Variants in KHDRBS3 observed in about 807,000 individuals in gnomAD.
KHDRBS3 encodes KH domain-containing, RNA-binding, signal transduction-associated protein 3.
Under a neutral mutation model 45.6 loss-of-function variants are expected in KHDRBS3, and 23 were observed. The ratio of observed to expected loss-of-function variants is 0.50; its 90% CI spans 0.36 to 0.72. KHDRBS3 has a LOEUF of 0.72. Ranked by LOEUF, KHDRBS3 falls within the 30% of genes least tolerant of loss-of-function variation. The pLI is 0.00. For missense variants in KHDRBS3, 352 were observed against 424.8 expected (o/e 0.83, Z 1.51); for synonymous variants, 162 against 156.5 (o/e 1.04, Z -0.26).
Position 135,542,664 on chromosome 8 carries a change from T to C in KHDRBS3, c.218T>C (p.Val73Ala). 1 of 1,611,872 alleles carries C rather than the reference T, an allele frequency of 6.2e-7. No individual in the cohort carries two copies. Among genetic ancestry groups the C allele is most frequent in the Admixed American group, 1.7e-5 (1 of 59,868 alleles). ...PVKQFPKFNF[V>A]GKLLGPRGNS... ...GTTTATTTTTCCTAGTTCAACTTTG[T>C]GGGGAAACTTTTGGGTCCACGTGGC... The change falls in exon 3 of 9, where the codon GTG becomes GCG. Residue 73 changes from valine to alanine, a missense_variant. Transcript: ENST00000355849.
At chr8:135,593,328 G>A (rs1361820360) in intron 6 of KHDRBS3, 4 of 152,106 alleles carry the variant, frequency 2.6e-5, no homozygotes, top group Admixed American at 6.5e-5. Flanking sequence ...TTTATTTTAG[G>A]TGGTCAATCT....
rs531372569 is a variant in KHDRBS3 at position 135,554,072 on chromosome 8, A to G, written c.472-3376A>G. 6.6e-5 allele frequency among the ~76,000 whole-genome samples: 10 copies of G among 152,300 alleles called. No individual in the cohort carries two copies. The South Asian group carries it at 2.1e-3, about 32-fold the overall frequency. ...CTAGAATTTTAAAAAATTGTCTACA[A>G]TCACATAGCTGTTAAGTTCAGGTGG... On this transcript the variant is annotated intron_variant, in intron 4 of 8. Coordinates refer to ENST00000355849, the MANE Select transcript of KHDRBS3 (RefSeq NM_006558.3).
chr8:135,568,414 G>T (rs1274742644), intron 5 of KHDRBS3, among the ~76,000 whole-genome samples: 1 of 151,878 alleles, frequency 6.6e-6, no homozygotes, highest in Non-Finnish European at 1.5e-5. Flanking sequence ...TCCACTAAAT[G>T]AGTGAAAAAA....
At chr8:135,503,724 G>A (rs547795647) in intron 1 of KHDRBS3, among the ~76,000 whole-genome samples, 1 of 152,136 alleles carries the variant, frequency 6.6e-6, no homozygotes, top group East Asian at 1.9e-4. Flanking sequence ...GTAGAGTTCT[G>A]GAACCTCCAA....
intron 5 of KHDRBS3, among the ~76,000 whole-genome samples, chr8:135,581,385 C>A (rs1828198926): frequency 6.6e-6 from 1 of 152,190 alleles, no homozygotes; most frequent in South Asian, 2.1e-4. Context: ...GTGGTTGACA[C>A]ATTATTCAGG....
intron 1 of KHDRBS3, among the ~76,000 whole-genome samples, chr8:135,482,259 AGTT>A (rs896062711): frequency 1.3e-5 from 2 of 152,214 alleles, no homozygotes; most frequent in African/African-American, 2.4e-5. Flanking sequence ...TAGTGGCTAA[AGTT>A]GTCCATAGGC....
chr8:135,459,753 T>C (rs1249096745), intron 1 of KHDRBS3, among the ~76,000 whole-genome samples: 2 of 152,236 alleles, frequency 1.3e-5, no homozygotes, highest in Non-Finnish European at 2.9e-5. Flanking sequence ...GCCATAGTAT[T>C]GTGTTGCTAA....
intron 7 of KHDRBS3, among the ~76,000 whole-genome samples, chr8:135,617,067 CTTCT>C (rs1829948737): frequency 6.6e-6 from 1 of 151,930 alleles, no homozygotes; most frequent in Non-Finnish European, 1.5e-5. Context: ...GACTAGGTTG[CTTCT>C]TTGAGTCTTT....
chr8:135,547,725 CT>C (rs1324137997), intron 3 of KHDRBS3, among the ~76,000 whole-genome samples: 52 of 152,228 alleles, frequency 3.4e-4, no homozygotes, highest in African/African-American at 1.2e-3. Flanking sequence ...CTGGGGTTCT[CT>C]TGGTTATGGG....
intron 1 of KHDRBS3, among the ~76,000 whole-genome samples, chr8:135,499,859 C>T (rs1354804230): frequency 1.3e-5 from 2 of 152,094 alleles, no homozygotes; most frequent in Non-Finnish European, 2.9e-5. Context: ...TTTATCTGGT[C>T]ATTCCTGTGC....
chr8:135,553,578 CA>C (rs1826723110), intron 4 of KHDRBS3, among the ~76,000 whole-genome samples: 1 of 152,100 alleles, frequency 6.6e-6, no homozygotes, highest in African/African-American at 2.4e-5. Context: ...TTATAGATCA[CA>C]ATACAAACAG....
chr8:135,564,245 G>C (rs752134826), intron 5 of KHDRBS3, among the ~76,000 whole-genome samples: 1 of 152,184 alleles, frequency 6.6e-6, no homozygotes, highest in Non-Finnish European at 1.5e-5. Flanking sequence ...ACCAGATGCT[G>C]TGATAAACAA....
chr8:135,527,793 A>G (rs935927578), intron 2 of KHDRBS3, among the ~76,000 whole-genome samples: 47 of 152,370 alleles, frequency 3.1e-4, no homozygotes, highest in African/African-American at 8.9e-4. Flanking sequence ...CAGAAAATCC[A>G]GAATCCAAGT....
At chr8:135,612,444 T>C (rs913806357) in intron 7 of KHDRBS3, among the ~76,000 whole-genome samples, 4 of 151,890 alleles carry the variant, frequency 2.6e-5, no homozygotes, top group Admixed American at 1.3e-4. Context: ...TTTCCACTTT[T>C]ACATGAGATC....
chr8:135,478,191 G>T (rs1047946584), intron 1 of KHDRBS3, among the ~76,000 whole-genome samples: 2 of 152,168 alleles, frequency 1.3e-5, no homozygotes, highest in African/African-American at 4.8e-5. Context: ...GCAAGGAAAA[G>T]GATCGGAGCC....
Position 135,647,113 on chromosome 8 carries a change from A to C in KHDRBS3, c.*29A>C, listed in dbSNP as rs1831324053. Reference sequence around the variant, plus strand: ...TACTGTCTGATGTTGTGAAATAGCCAATCTCCACCAGTCCTGTATACTGTT... The same window carrying C: ...TACTGTCTGATGTTGTGAAATAGCCCATCTCCACCAGTCCTGTATACTGTT... On this transcript the variant is annotated 3_prime_UTR_variant, in exon 9 of 9. Coordinates refer to ENST00000355849, the MANE Select transcript of KHDRBS3 (RefSeq NM_006558.3). 1 of 1,183,034 alleles carries C rather than the reference A, an allele frequency of 8.5e-7. No individual in the cohort carries two copies. Among genetic ancestry groups the C allele is most frequent in the East Asian group, 2.3e-5 (1 of 42,860 alleles). The allele number at this position is 1,183,034 out of a possible 1,614,324, so 73.3% of individuals were successfully genotyped here. A position where few individuals can be genotyped will look rare whatever the true frequency, so the allele number is the denominator to read the frequency against.
At chr8:135,590,439 AGTG>A (rs1172103403) in intron 6 of KHDRBS3, among the ~76,000 whole-genome samples, 1 of 152,186 alleles carries the variant, frequency 6.6e-6, no homozygotes, top group Admixed American at 6.5e-5. Flanking sequence ...CCTGCAAAAT[AGTG>A]GTGATGATAC....
chr8:135,521,375 A>C lies in KHDRBS3; in HGVS notation c.207+20A>C, dbSNP rs935749670. On this transcript the variant is annotated intron_variant, in intron 2 of 8. Transcript: ENST00000355849. ...CCTAAGGTAAGACAGTGAGGTCTAC[A>C]CTGCAGGTATTTTAACCTGAATCAA... The C allele has an allele frequency of 3.8e-6, 5 of 1,315,712 alleles. No individual in the cohort carries two copies. The Admixed American group carries it at 9.1e-5, about 24-fold the overall frequency. 81.5% of individuals were successfully genotyped at this position (1,315,712 alleles called of 1,614,324 possible). A position where few individuals can be genotyped will look rare whatever the true frequency, so the allele number is the denominator to read the frequency against.
At chr8:135,600,158 T>C (rs987997251) in intron 6 of KHDRBS3, among the ~76,000 whole-genome samples, 2 of 152,224 alleles carry the variant, frequency 1.3e-5, no homozygotes. Flanking sequence ...CTTTATCTTG[T>C]ATCTTTATTT....
Sources: gnomAD v4.1 joint callset for allele counts (sites outside exome capture counted in the v4.1 genomes callset) on GRCh38, gnomAD v4.1.1 for gene constraint, MANE v1.5 for transcripts, NCBI Gene and HGNC (gene_info 2026-07-23, HGNC 2026-07-21) for gene names.